The following DSCAM variants were observed in gnomAD, a reference collection of about 807,000 sequenced individuals.
DSCAM encodes cell adhesion molecule DSCAM.
DSCAM carries 47 observed loss-of-function variants against 217.7 expected under a neutral mutation model. The ratio of observed to expected loss-of-function variants is 0.22; its 90% CI spans 0.17 to 0.28. The LOEUF (loss-of-function observed/expected upper bound fraction) is 0.28, where lower values mean the gene tolerates loss of function less well. DSCAM is among the 10% of genes least tolerant of loss of function. The probability of loss-of-function intolerance (pLI) is 1.00; values close to 1 mark genes in which losing one functional copy is unlikely to be tolerated. For synonymous variants in DSCAM, 1,056 were observed against 1,015.3 expected, an observed-to-expected ratio of 1.04 and a Z score of -0.76; for missense variants, 2,080 against 2,618.3, an observed-to-expected ratio of 0.79 and a Z score of 4.49.
At chr21:40,670,611 G>A (rs115370519) in intron 3 of DSCAM, among the ~76,000 whole-genome samples, 1,633 of 151,384 alleles carry the variant, frequency 0.011, 26 homozygotes, top group African/African-American at 0.036. Flanking sequence ...TTTGTGACAC[G>A]CTTATTTCAC....
At chr21:40,463,513 C>A (rs1430167902) in intron 3 of DSCAM, among the ~76,000 whole-genome samples, 11 of 152,282 alleles carry the variant, frequency 7.2e-5, no homozygotes, top group African/African-American at 2.2e-4. Context: ...GCAGCATAGG[C>A]TCTGATCATC....
At chr21:40,117,633 T>C (rs976961948) in intron 20 of DSCAM, among the ~76,000 whole-genome samples, 1 of 152,202 alleles carries the variant, frequency 6.6e-6, no homozygotes, top group Non-Finnish European at 1.5e-5. Flanking sequence ...ACAATCACTT[T>C]AAAAACAAAA....
chr21:40,231,637 G>A (rs777468205), intron 11 of DSCAM, among the ~76,000 whole-genome samples: 1 of 149,616 alleles, frequency 6.7e-6, no homozygotes, highest in Non-Finnish European at 1.5e-5. Context: ...CAAGTAGCTG[G>A]GGTTACAGGA....
At chr21:40,801,730 A>G (rs2205101) in intron 1 of DSCAM, among the ~76,000 whole-genome samples, 2,380 of 152,312 alleles carry the variant, frequency 0.016, 51 homozygotes, top group African/African-American at 0.053. Flanking sequence ...ACATGTCAGT[A>G]TACATGTAGC....
At chr21:40,549,458 C>T (rs139170876) in intron 3 of DSCAM, among the ~76,000 whole-genome samples, 9 of 152,136 alleles carry the variant, frequency 5.9e-5, no homozygotes, top group Non-Finnish European at 1.5e-5. Context: ...AAGAGAACAG[C>T]TGAGAACGGT....
chr21:40,660,612 C>T (rs2090128740), intron 3 of DSCAM, among the ~76,000 whole-genome samples: 1 of 152,190 alleles, frequency 6.6e-6, no homozygotes, highest in Non-Finnish European at 1.5e-5. Flanking sequence ...TGAAGCATTA[C>T]TGCCCCACAT....
intron 11 of DSCAM, among the ~76,000 whole-genome samples, chr21:40,262,814 C>T (rs190621132): frequency 7.0e-4 from 107 of 152,322 alleles, no homozygotes; most frequent in African/African-American, 2.5e-3. Context: ...GCTGACTGTG[C>T]CTAATACCGT....
At chr21:40,063,500 C>G (rs998309461) in intron 27 of DSCAM, among the ~76,000 whole-genome samples, 2 of 151,848 alleles carry the variant, frequency 1.3e-5, no homozygotes, top group Non-Finnish European at 1.5e-5. Flanking sequence ...AAAAAAATCC[C>G]TTTTTTTGGT....
intron 3 of DSCAM, among the ~76,000 whole-genome samples, chr21:40,600,397 G>A (rs984666306): frequency 6.6e-6 from 1 of 152,070 alleles, no homozygotes. Flanking sequence ...GCTCTCTGGG[G>A]TCTTTATTAT....
chr21:40,591,771 A>G (rs73366993), intron 3 of DSCAM, among the ~76,000 whole-genome samples: 3,887 of 152,350 alleles, frequency 0.026, 143 homozygotes, highest in East Asian at 0.093. Context: ...CCATATGCCA[A>G]GTATACGTTG....
intron 1 of DSCAM, among the ~76,000 whole-genome samples, chr21:40,734,086 G>T (rs2091039214): frequency 6.6e-6 from 1 of 152,172 alleles, no homozygotes; most frequent in African/African-American, 2.4e-5. Flanking sequence ...CTTAATAAAT[G>T]ATAAGCAGAG....
At chr21:40,567,738 T>C (rs9978394) in intron 3 of DSCAM, among the ~76,000 whole-genome samples, 72,415 of 152,160 alleles carry the variant, frequency 0.48, 17,554 homozygotes, top group Admixed American at 0.56. Context: ...TTTTGTTTGC[T>C]AATGTGTTAG....
chr21:40,381,076 A>AG (rs34974860), intron 3 of DSCAM, among the ~76,000 whole-genome samples: 5,745 of 149,504 alleles, frequency 0.038, 289 homozygotes, highest in African/African-American at 0.085. Flanking sequence ...AAAAAAAAAA[A>AG]AAAAAAAAGA....
intron 11 of DSCAM, among the ~76,000 whole-genome samples, chr21:40,268,251 T>C (rs938660475): frequency 2.0e-5 from 3 of 152,212 alleles, no homozygotes; most frequent in Admixed American, 2.0e-4. Flanking sequence ...GCACGCAGGA[T>C]GTAGAACAAT....
At chr21:40,019,741 G>A (rs759883743) in intron 32 of DSCAM, among the ~76,000 whole-genome samples, 9 of 152,176 alleles carry the variant, frequency 5.9e-5, no homozygotes, top group Non-Finnish European at 8.8e-5. Flanking sequence ...CGGCATCCCT[G>A]TGTGTAAATC....
chr21:40,373,045 C>T (rs1184915511), intron 3 of DSCAM, among the ~76,000 whole-genome samples: 3 of 152,148 alleles, frequency 2.0e-5, no homozygotes, highest in East Asian at 1.9e-4. Context: ...TCTACAGCCA[C>T]GTTCTTCCCA....
chr21:40,205,101 C>A (rs2091110045), intron 11 of DSCAM, among the ~76,000 whole-genome samples: 1 of 152,208 alleles, frequency 6.6e-6, no homozygotes, highest in Non-Finnish European at 1.5e-5. Context: ...CAGCAACTCT[C>A]AGGGGGTTTT....
At chr21:40,589,489 T>C (rs149061410) in intron 3 of DSCAM, among the ~76,000 whole-genome samples, 15 of 152,078 alleles carry the variant, frequency 9.9e-5, no homozygotes, top group Middle Eastern at 3.4e-3. Context: ...AGCAGGAGAA[T>C]TGCTTGAACC....
intron 11 of DSCAM, among the ~76,000 whole-genome samples, chr21:40,225,477 C>A (rs2091323914): frequency 6.6e-6 from 1 of 152,118 alleles, no homozygotes; most frequent in Non-Finnish European, 1.5e-5. Flanking sequence ...ACCTTTAAGC[C>A]TTCTCTATCT....
Sources: allele counts gnomAD v4.1 joint callset (sites outside exome capture counted in the v4.1 genomes callset), GRCh38; gene constraint gnomAD v4.1.1; transcripts MANE v1.5; gene names NCBI Gene and HGNC (gene_info 2026-07-23, HGNC 2026-07-21).